PRICKLE2: variants seen among roughly 807,000 people sequenced by gnomAD.
PRICKLE2 encodes prickle planar cell polarity protein 2.
PRICKLE2 carries 21 observed loss-of-function variants against 81.4 expected under a neutral mutation model. The observed-to-expected ratio is 0.26, with a 90% CI of 0.18 to 0.37. The LOEUF is 0.37. Ranked by LOEUF, PRICKLE2 falls within the 10% of genes least tolerant of loss-of-function variation. The pLI, the probability that PRICKLE2 is intolerant of heterozygous loss-of-function variation, is 1.00. For missense variants in PRICKLE2, 940 were observed against 1,109.0 expected (o/e 0.85, Z 2.16); for synonymous variants, 456 against 421.5 (o/e 1.08, Z -1.00).
At chr3:64,157,455 GCTA>G in intron 4 of PRICKLE2, 90 bp from the exon 5 acceptor site, 2 of 1,304,676 alleles carry the variant, frequency 1.5e-6, no homozygotes, top group Non-Finnish European at 1.1e-6. Flanking sequence ...CCATTAGCTG[GCTA>G]CTGAGTGCTT....
intron 1 of PRICKLE2, among the ~76,000 whole-genome samples, chr3:64,204,928 C>T (rs1191415906): frequency 6.6e-6 from 1 of 152,094 alleles, no homozygotes; most frequent in African/African-American, 2.4e-5. Context: ...TGCATCTCTC[C>T]CCCTTTGGCA....
intron 7 of PRICKLE2, among the ~76,000 whole-genome samples, chr3:64,115,378 A>G (rs1283480748): frequency 2.6e-5 from 4 of 152,198 alleles, no homozygotes; most frequent in African/African-American, 9.7e-5. Flanking sequence ...AATGGGCTGA[A>G]TGACCCAATT....
chr3:64,229,162 T>C (rs1487881816), upstream of PRICKLE2, among the ~76,000 whole-genome samples: 1 of 152,048 alleles, frequency 6.6e-6, no homozygotes, highest in Non-Finnish European at 1.5e-5. Context: ...TTAAGAGACA[T>C]CTGCATGGAC....
At chr3:64,114,711 A>C (rs910816280) in intron 7 of PRICKLE2, among the ~76,000 whole-genome samples, 1 of 152,124 alleles carries the variant, frequency 6.6e-6, no homozygotes, top group African/African-American at 2.4e-5. Flanking sequence ...ACCTTTGAGA[A>C]ATATGGGATT....
intron 2 of PRICKLE2, among the ~76,000 whole-genome samples, chr3:64,231,711 G>C (rs942276665): frequency 3.9e-5 from 6 of 152,154 alleles, no homozygotes; most frequent in African/African-American, 1.4e-4. Flanking sequence ...TTTTTCTAAA[G>C]GAATGAGGAG....
At position 64,093,597 on chromosome 3, in the gene PRICKLE2, G is replaced by C. The variant is rs548483075; in HGVS notation, c.*5454C>G. On this transcript the variant is annotated 3_prime_UTR_variant, in exon 8 of 8. Coordinates refer to ENST00000638394, the MANE Select transcript of PRICKLE2 (RefSeq NM_198859.4). ...TTTTTAGTTGTCACAGTTTCTGGGGGCTGCTACTGGCATCTAGTGAGTAGA... is the reference window on the plus strand; with the variant it reads ...TTTTTAGTTGTCACAGTTTCTGGGGCCTGCTACTGGCATCTAGTGAGTAGA... 1 of 152,052 alleles carries C rather than the reference G, an allele frequency of 6.6e-6. No individual in the cohort carries two copies. The highest frequency in any genetic ancestry group is 2.4e-5 in the African/African-American group (1 of 41,396). The allele number at this position is 152,052 out of a possible 1,614,324, so 9.4% of individuals were successfully genotyped here.
chr3:64,099,757 G>A lies in PRICKLE2; in HGVS notation c.1829C>T (p.Ser610Phe). Residue 610 changes from serine (S) to phenylalanine (F), a missense_variant, in exon 8 of 8, where the codon TCT becomes TTT. By Grantham distance (155) the Ser-to-Phe change is radical. Around this residue, in one of 2 missense-constraint regions of PRICKLE2, gnomAD observed 670 missense variants for 717.2 expected, o/e 0.93. Coordinates refer to ENST00000638394, the MANE Select transcript of PRICKLE2 (RefSeq NM_198859.4). This position sits in a 1 kb window ranked among gnomAD's most constrained non-coding sequence, Gnocchi z 4.3. ...RSAESVRSLL[S>F]AQQYQEMEGN... ...CTCCATCTCCTGGTACTGCTGGGCA[G>A]AGAGCAGGCTGCGAACTGACTCTGC... 1 of 1,614,208 alleles carries A rather than the reference G, an allele frequency of 6.2e-7. No individual in the cohort carries two copies. The highest frequency in any genetic ancestry group is 1.1e-5 in the South Asian group (1 of 91,086).
At chr3:64,110,652 C>T (rs1372330429) in intron 7 of PRICKLE2, among the ~76,000 whole-genome samples, 2 of 151,996 alleles carry the variant, frequency 1.3e-5, no homozygotes, top group East Asian at 3.9e-4. Flanking sequence ...GCCCACCCAG[C>T]CAAGGGCAGG....
At chr3:64,191,141 T>A (rs2078325806) in intron 2 of PRICKLE2, among the ~76,000 whole-genome samples, 1 of 152,100 alleles carries the variant, frequency 6.6e-6, no homozygotes, top group Non-Finnish European at 1.5e-5. Context: ...AATTCAAAAT[T>A]ACCTTATGAA....
intron 1 of PRICKLE2, 121 bp from the exon 2 acceptor site, chr3:64,199,088 G>A (rs556473348): frequency 2.8e-5 from 24 of 859,950 alleles, no homozygotes; most frequent in South Asian, 2.2e-4. Context: ...AATGGGCATC[G>A]GGCAAAGGCA....
intron 7 of PRICKLE2, 152 bp from the exon 8 acceptor site, chr3:64,100,077 AG>A: frequency 2.6e-6 from 2 of 768,688 alleles, no homozygotes; most frequent in Non-Finnish European, 4.3e-6. Context: ...TGTGCCTGTG[AG>A]GGGGTTCTCT....
intron 2 of PRICKLE2, among the ~76,000 whole-genome samples, chr3:64,236,941 G>A (rs1282211766): frequency 7.2e-5 from 11 of 152,146 alleles, no homozygotes; most frequent in East Asian, 1.9e-4. Context: ...ATCATGCTGC[G>A]GTGATCTCTG....
chr3:64,260,637 C>T (rs751536198), intron 2 of PRICKLE2, among the ~76,000 whole-genome samples: 9 of 152,182 alleles, frequency 5.9e-5, no homozygotes, highest in African/African-American at 1.4e-4. Context: ...TCCTCTCGTC[C>T]GGGGAAGGAC....
rs769547075 is a variant in PRICKLE2, at chr3:64,163,031, C to T, written c.243G>A (p.Pro81=). The T allele has an allele frequency of 1.8e-5, 29 of 1,611,566 alleles. No homozygotes were observed. Among genetic ancestry groups the T allele is most frequent in the African/African-American group, 6.7e-5 (5 of 74,858 alleles). Residue 81 remains proline, a synonymous_variant, in exon 3 of 8, where the codon CCG becomes CCA. Transcript: ENST00000638394. ...LRIKQLLHQL[P]PHDNEVRYCN... ...AGCCCCTTACCTCATTGTCATGTGGCGGCAGCTGGTGTAGTAGCTGCTTGA... is the reference window on the plus strand; with the variant it reads ...AGCCCCTTACCTCATTGTCATGTGGTGGCAGCTGGTGTAGTAGCTGCTTGA...
intron 7 of PRICKLE2, among the ~76,000 whole-genome samples, chr3:64,130,538 G>T (rs947820271): frequency 2.0e-5 from 3 of 152,148 alleles, no homozygotes; most frequent in Non-Finnish European, 4.4e-5. Flanking sequence ...AGAGCATTTT[G>T]TGTGCTCATA....
At chr3:64,250,726 T>G (rs1248554555) in intron 2 of PRICKLE2, among the ~76,000 whole-genome samples, 2 of 152,208 alleles carry the variant, frequency 1.3e-5, no homozygotes, top group Non-Finnish European at 2.9e-5. Flanking sequence ...ACTGTATCAC[T>G]GTAGTGCATG....
chr3:64,231,569 T>C lies in PRICKLE2; in HGVS notation c.129-32602A>G, dbSNP rs749417743. Among the ~76,000 whole-genome samples the C allele has an allele frequency of 5.3e-4, 81 of 152,276 alleles. 2 individuals carry two copies. The highest frequency in any genetic ancestry group is 4.6e-4 in the African/African-American group (19 of 41,564). ...TACACGTTTCTCTTGGAAGAGAACA[T>C]TGGCAAAATGAATGATATCCTAGAA... On this transcript the variant is annotated intron_variant, in intron 2 of 8. Transcript: ENST00000295902.
At chr3:64,227,338 A>G (rs1307869734), upstream of PRICKLE2, among the ~76,000 whole-genome samples, 3 of 152,200 alleles carry the variant, frequency 2.0e-5, no homozygotes, top group East Asian at 5.8e-4. Context: ...GGCCCCCAGT[A>G]GCCAAGTGGA....
At position 64,192,790 on chromosome 3, in the gene PRICKLE2, A is replaced by G. The variant is rs150235922; in HGVS notation, c.144+5994T>C. On this transcript the variant is annotated intron_variant, in intron 2 of 7. Coordinates refer to ENST00000638394, the MANE Select transcript of PRICKLE2 (RefSeq NM_198859.4). ...GTTCTGGATGATGAATCTAATTGCA[A>G]CTTATTCTGTGCTAAAACATAGTTA... 3.5e-4 allele frequency among the ~76,000 whole-genome samples: 53 copies of G among 152,304 alleles called. 1 individual carries two copies. In the East Asian group the frequency reaches 9.1e-3, roughly 26 times the overall value.
Sources: allele counts gnomAD v4.1 joint callset (sites outside exome capture counted in the v4.1 genomes callset), GRCh38; gene constraint gnomAD v4.1.1; regional missense constraint gnomAD v4.1.1; non-coding constraint Gnocchi (gnomAD v3.1); transcripts MANE v1.5; gene names NCBI Gene and HGNC (gene_info 2026-07-23, HGNC 2026-07-21).